Variants in PCDHA7 observed in about 807,000 individuals in gnomAD.
PCDHA7 encodes protocadherin alpha-7.
Under a neutral mutation model 57.2 loss-of-function variants are expected in PCDHA7, and 37 were observed. The observed-to-expected ratio is 0.65, with a 90% CI of 0.50 to 0.85. PCDHA7 has a LOEUF of 0.85. PCDHA7 is among the 40% of genes least tolerant of loss of function. The probability of loss-of-function intolerance (pLI) is 0.00; values close to 1 mark genes in which losing one functional copy is unlikely to be tolerated. For synonymous variants in PCDHA7, 553 were observed against 558.8 expected, an observed-to-expected ratio of 0.99 and a Z score of 0.15; for missense variants, 1,188 against 1,241.8, an observed-to-expected ratio of 0.96 and a Z score of 0.65.
chr5:140,845,193 T>C (rs1160723646), intron 1 of PCDHA7, among the ~76,000 whole-genome samples: 1 of 149,378 alleles, frequency 6.7e-6, no homozygotes, highest in Non-Finnish European at 1.5e-5. Context: ...AAAAATATGA[T>C]TGTTTTCATT....
At chr5:140,864,663 C>G (rs75209206) in intron 1 of PCDHA7, 1 of 152,176 alleles carries the variant, frequency 6.6e-6, no homozygotes, top group African/African-American at 2.4e-5. Flanking sequence ...ACTTAATTAC[C>G]TGTTGACTTA....
intron 1 of PCDHA7, chr5:140,884,763 CT>C (rs1206964755): frequency 1.9e-5 from 27 of 1,421,678 alleles, no homozygotes; most frequent in Non-Finnish European, 2.4e-5. Context: ...TTATTCTTTA[CT>C]TTAATTTTAA....
At chr5:140,924,901 A>AAAAAT (rs10667761) in intron 1 of PCDHA7, among the ~76,000 whole-genome samples, 10,380 of 79,870 alleles carry the variant, frequency 0.13, 426 homozygotes, top group East Asian at 0.37. Context: ...TCTCAAAAAA[A>AAAAAT]AAAATAAAAT....
At chr5:140,943,974 T>G (rs1356208474) in intron 1 of PCDHA7, among the ~76,000 whole-genome samples, 2 of 152,022 alleles carry the variant, frequency 1.3e-5, no homozygotes, top group African/African-American at 4.8e-5. Flanking sequence ...TTAAAGTAAT[T>G]AAGAAAACAG....
At chr5:140,988,366 G>A (rs1384658783) in intron 3 of PCDHA7, among the ~76,000 whole-genome samples, 2 of 152,122 alleles carry the variant, frequency 1.3e-5, no homozygotes, top group Non-Finnish European at 2.9e-5. Flanking sequence ...TTACTTTCTG[G>A]GGTTGTGAAA....
chr5:140,868,248 T>C (rs1554161850), intron 1 of PCDHA7: 1 of 152,160 alleles, frequency 6.6e-6, no homozygotes, highest in East Asian at 1.9e-4. Context: ...CAATAGACTT[T>C]TCCTTTGTGG....
intron 1 of PCDHA7, among the ~76,000 whole-genome samples, chr5:140,845,167 T>C (rs954186731): frequency 6.7e-6 from 1 of 149,652 alleles, no homozygotes; most frequent in Non-Finnish European, 1.5e-5. Context: ...CGAATTGTTT[T>C]CATTTTAGTC....
At chr5:141,000,857 A>G (rs1002294819) in intron 3 of PCDHA7, among the ~76,000 whole-genome samples, 7 of 152,132 alleles carry the variant, frequency 4.6e-5, no homozygotes, top group African/African-American at 1.7e-4. Context: ...GCAGTCAGCC[A>G]TGACCTCACC....
rs75377875 is a variant in PCDHA7 at position 140,902,598 on chromosome 5, C to T, written c.2355+65860C>T. The stretch of plus-strand genomic sequence containing the variant: ...ATTTCAATAGTTTTGGGAAACAGGT[C>T]GTTTTCAGTTACATGGGTAAGTTAT... On this transcript the variant is annotated intron_variant, in intron 1 of 3. Coordinates refer to ENST00000525929, the MANE Select transcript of PCDHA7 (RefSeq NM_018910.3). Among the ~76,000 whole-genome samples, 274 of 152,044 alleles carry T rather than the reference C, an allele frequency of 1.8e-3. 4 individuals are homozygous for T. In the East Asian group the frequency reaches 0.048, roughly 27 times the overall value.
At chr5:140,861,662 G>A (rs1396410741) in intron 1 of PCDHA7, 1 of 264,436 alleles carries the variant, frequency 3.8e-6, no homozygotes, top group East Asian at 9.8e-5. Flanking sequence ...TGAAACGAGA[G>A]CTCTTGATTA....
At chr5:140,965,864 G>A (rs553582487) in intron 1 of PCDHA7, among the ~76,000 whole-genome samples, 1 of 152,254 alleles carries the variant, frequency 6.6e-6, no homozygotes, top group East Asian at 1.9e-4. Flanking sequence ...CTGAAAATAA[G>A]GGCCACTTGG....
intron 1 of PCDHA7, among the ~76,000 whole-genome samples, chr5:140,908,581 G>A (rs2074042639): frequency 6.6e-6 from 1 of 152,178 alleles, no homozygotes; most frequent in Non-Finnish European, 1.5e-5. Context: ...AAGGAGAGTA[G>A]TTAGCTGCAG....
chr5:140,926,891 G>A, intron 1 of PCDHA7: 9 of 1,545,914 alleles, frequency 5.8e-6, no homozygotes, highest in Non-Finnish European at 7.9e-6. Context: ...CCTAGAGGGA[G>A]GATGGTGGGC....
chr5:140,905,120 G>T (rs1191513318), intron 1 of PCDHA7, among the ~76,000 whole-genome samples: 3 of 152,214 alleles, frequency 2.0e-5, no homozygotes, highest in African/African-American at 7.2e-5. Flanking sequence ...CTAAGCCAAT[G>T]TCTAGAAGAG....
chr5:141,006,979 G>T (rs1236461454), intron 3 of PCDHA7, among the ~76,000 whole-genome samples: 1 of 152,156 alleles, frequency 6.6e-6, no homozygotes, highest in Non-Finnish European at 1.5e-5. Context: ...ACAGAGAGAT[G>T]TGGGCTTAAA....
At chr5:140,976,515 C>T (rs1285704969) in intron 1 of PCDHA7, among the ~76,000 whole-genome samples, 1 of 152,016 alleles carries the variant, frequency 6.6e-6, no homozygotes, top group Non-Finnish European at 1.5e-5. Flanking sequence ...CGCGCCACTG[C>T]ACACCAGCCT....
chr5:140,836,708 C>G lies in PCDHA7; in HGVS notation c.2325C>G (p.Ser775Arg). Residue 775 changes from serine (S) to arginine (R), a missense_variant, in exon 1 of 4, where the codon AGC (serine) becomes AGG (arginine). By Grantham distance (110) the Ser-to-Arg change is moderately radical (BLOSUM62 -1). Around this residue, in one of 3 missense-constraint regions of PCDHA7, gnomAD observed 892 missense variants for 788.5 expected, o/e 1.13. Coordinates refer to ENST00000525929, the MANE Select transcript of PCDHA7 (RefSeq NM_018910.3). ...CAGACCTCATGGCCTTCAGTCCCAGCCTTCCTCAGGGTCCATCCTCTACAG... is the reference window on the plus strand; with the variant it reads ...CAGACCTCATGGCCTTCAGTCCCAGGCTTCCTCAGGGTCCATCCTCTACAG... ...PKTDLMAFSP[S>R]LPQGPSSTDN... is the part of the protein sequence containing the mutation. 1 of 1,613,192 alleles carries G rather than the reference C, an allele frequency of 6.2e-7. No individual in the cohort carries two copies. Among genetic ancestry groups the G allele is most frequent in the Non-Finnish European group, 8.5e-7 (1 of 1,179,438 alleles).
intron 1 of PCDHA7, among the ~76,000 whole-genome samples, chr5:140,975,967 A>C (rs2096692306): frequency 6.6e-6 from 1 of 152,176 alleles, no homozygotes; most frequent in African/African-American, 2.4e-5. Context: ...TCACCAATAG[A>C]AAGTAAGCAT....
At chr5:140,848,803 G>A in intron 1 of PCDHA7, 3 of 1,592,286 alleles carry the variant, frequency 1.9e-6, no homozygotes, top group South Asian at 1.1e-5. Flanking sequence ...GCGGAGTGCA[G>A]CATCCACCTG....
Sources: gnomAD v4.1 joint callset for allele counts (sites outside exome capture counted in the v4.1 genomes callset) on GRCh38, gnomAD v4.1.1 for gene constraint, gnomAD v4.1.1 regional missense constraint, MANE v1.5 for transcripts, NCBI Gene and HGNC (gene_info 2026-07-23, HGNC 2026-07-21) for gene names.